The following CTNNA2 variants were observed in gnomAD, a reference collection of about 807,000 sequenced individuals.
CTNNA2 encodes the protein catenin alpha 2, also known as catenin alpha-2.
In CTNNA2, 42 loss-of-function variants were observed where a neutral mutation model predicts 101.0. That is an observed-to-expected ratio of 0.42 (90% CI 0.32 to 0.54). The LOEUF is 0.54. Ranked by LOEUF, CTNNA2 falls within the 20% of genes least tolerant of loss-of-function variation. CTNNA2 has a pLI of 0.14. For synonymous variants in CTNNA2, 450 were observed against 456.4 expected (o/e 0.99, Z 0.18); for missense variants, 871 against 1,223.1 (o/e 0.71, Z 4.29).
At chr2:79,491,742 A>G (rs1573190739) in intron 4 of CTNNA2, among the ~76,000 whole-genome samples, 1 of 152,154 alleles carries the variant, frequency 6.6e-6, no homozygotes, top group Admixed American at 6.5e-5. Flanking sequence ...TGCTGCCACC[A>G]CACCATTGCC....
chr2:80,136,284 T>G (rs990355368), intron 7 of CTNNA2, among the ~76,000 whole-genome samples: 3 of 152,190 alleles, frequency 2.0e-5, no homozygotes, highest in Admixed American at 2.0e-4. Context: ...AACCTGGCTC[T>G]GTGACTTGGT....
chr2:79,730,779 G>A (rs114860820), intron 2 of CTNNA2, among the ~76,000 whole-genome samples: 171 of 151,766 alleles, frequency 1.1e-3, no homozygotes, highest in African/African-American at 3.8e-3. Context: ...ACTCACATAC[G>A]TACATACACA....
rs1673422246 is a variant in CTNNA2, at chr2:80,641,076, A to G, written c.2575-6509A>G. On this transcript the variant is annotated intron_variant, in intron 18 of 18. Coordinates refer to ENST00000402739, the MANE Select transcript of CTNNA2 (RefSeq NM_001282597.3). The stretch of plus-strand genomic sequence containing the variant: ...TAGGGAAATATTTTAGCATTATCAA[A>G]CTCATTAGTGTTATTGGCTCTGACT... Among the ~76,000 whole-genome samples the G allele has an allele frequency of 1.3e-5, 2 of 152,162 alleles. 1 individual carries two copies. The highest frequency in any genetic ancestry group is 4.1e-4 in the South Asian group (2 of 4,828).
At chr2:80,138,141 A>G (rs1201164844) in intron 7 of CTNNA2, among the ~76,000 whole-genome samples, 1 of 152,200 alleles carries the variant, frequency 6.6e-6, no homozygotes, top group Non-Finnish European at 1.5e-5. Context: ...TGTATAGCAG[A>G]AGAGGGAATA....
chr2:80,574,751 T>C (rs931564767), intron 13 of CTNNA2, among the ~76,000 whole-genome samples: 1 of 152,188 alleles, frequency 6.6e-6, no homozygotes, highest in African/African-American at 2.4e-5. Context: ...AATTACATTC[T>C]CTTTGTATAA....
At chr2:80,619,312 A>G (rs1699112531) in intron 18 of CTNNA2, 84 bp downstream of exon 18, 1 of 1,339,476 alleles carries the variant, frequency 7.5e-7, no homozygotes, top group South Asian at 2.2e-5. Context: ...TTAGGGAAAT[A>G]AAAATGTGCC....
At chr2:79,824,583 A>C (rs1678267441) in intron 3 of CTNNA2, among the ~76,000 whole-genome samples, 1 of 152,208 alleles carries the variant, frequency 6.6e-6, no homozygotes, top group Admixed American at 6.5e-5. Context: ...AAGTTTGGTC[A>C]AACAGCTGAC....
At chr2:80,573,000 T>G (rs1694737230) in intron 12 of CTNNA2, 1 of 152,090 alleles carries the variant, frequency 6.6e-6, no homozygotes, top group African/African-American at 2.4e-5. Flanking sequence ...CCCTACAGAG[T>G]AAAGTAATTT....
chr2:79,837,977 A>T (rs991532215), intron 3 of CTNNA2, among the ~76,000 whole-genome samples: 5 of 152,262 alleles, frequency 3.3e-5, no homozygotes, highest in African/African-American at 1.2e-4. Context: ...ATTTCTGATT[A>T]AGACTGATTA....
At chr2:79,276,866 A>T (rs865910568) in intron 2 of CTNNA2, among the ~76,000 whole-genome samples, 2 of 152,096 alleles carry the variant, frequency 1.3e-5, no homozygotes, top group Non-Finnish European at 2.9e-5. Context: ...TTCCATTTCT[A>T]CTTCTTCACT....
At chr2:79,603,660 G>T (rs1392523473) in intron 1 of CTNNA2, among the ~76,000 whole-genome samples, 1 of 152,170 alleles carries the variant, frequency 6.6e-6, no homozygotes, top group Non-Finnish European at 1.5e-5. Flanking sequence ...GATAATTAGA[G>T]CGTCATACGT....
chr2:79,938,457 G>T (rs368051684), intron 7 of CTNNA2, among the ~76,000 whole-genome samples: 2 of 152,186 alleles, frequency 1.3e-5, no homozygotes, highest in African/African-American at 4.8e-5. Flanking sequence ...ACACTTTCCT[G>T]TATGTGTGTG....
chr2:79,289,705 A>C (rs151294983), intron 2 of CTNNA2, among the ~76,000 whole-genome samples: 3,350 of 152,324 alleles, frequency 0.022, 60 homozygotes, highest in Non-Finnish European at 0.034. Flanking sequence ...AGATTGCGCC[A>C]CTGCATTCCA....
chr2:80,010,977 G>T (rs1693735859), intron 7 of CTNNA2, among the ~76,000 whole-genome samples: 2 of 151,956 alleles, frequency 1.3e-5, no homozygotes, highest in Non-Finnish European at 2.9e-5. Flanking sequence ...TGAGGTAAAG[G>T]CTTAAGTGGA....
chr2:79,604,040 A>G (rs1469892237), intron 1 of CTNNA2, among the ~76,000 whole-genome samples: 2 of 152,296 alleles, frequency 1.3e-5, no homozygotes, highest in Admixed American at 1.3e-4. Flanking sequence ...TATGATCCTA[A>G]GATTCTTTTC....
intron 2 of CTNNA2, among the ~76,000 whole-genome samples, chr2:79,287,716 G>A (rs1456278381): frequency 6.6e-6 from 1 of 152,176 alleles, no homozygotes; most frequent in African/African-American, 2.4e-5. Context: ...TCTGTGCCCT[G>A]CCCCCAGAGG....
At chr2:80,444,892 G>A (rs75643366) in intron 9 of CTNNA2, among the ~76,000 whole-genome samples, 2,308 of 152,168 alleles carry the variant, frequency 0.015, 46 homozygotes, top group African/African-American at 0.052. Flanking sequence ...TGTTATGGCA[G>A]CCCAAGCAGG....
At chr2:79,386,882 T>C (rs979142337) in intron 4 of CTNNA2, among the ~76,000 whole-genome samples, 2 of 152,206 alleles carry the variant, frequency 1.3e-5, no homozygotes, top group African/African-American at 4.8e-5. Flanking sequence ...ATCTTGGTTA[T>C]CTAAGTATTA....
chr2:79,760,310 T>C (rs963264815), intron 3 of CTNNA2, among the ~76,000 whole-genome samples: 10 of 148,486 alleles, frequency 6.7e-5, no homozygotes, highest in Non-Finnish European at 1.5e-4. Flanking sequence ...TGTGTGTGTG[T>C]GTATATAATC....
Sources: gnomAD v4.1 joint callset for allele counts (sites outside exome capture counted in the v4.1 genomes callset) on GRCh38, gnomAD v4.1.1 for gene constraint, MANE v1.5 for transcripts, NCBI Gene and HGNC (gene_info 2026-07-23, HGNC 2026-07-21) for gene names.